ZNF480: variants seen among roughly 807,000 people sequenced by gnomAD.
ZNF480 encodes the protein zinc finger protein 480.
A neutral mutation model predicts 14.4 loss-of-function variants in ZNF480; 15 were observed. The observed-to-expected ratio is 1.04, with a 90% CI of 0.70 to 1.60. The LOEUF is 1.60. Ranked by LOEUF, ZNF480 falls within the 40% of genes most tolerant of loss-of-function variation. ZNF480 has a pLI of 0.00. For synonymous variants in ZNF480, 218 were observed against 215.5 expected (o/e 1.01, Z -0.10); for missense variants, 593 against 629.7 (o/e 0.94, Z 0.62).
chr19:52,299,425 A>G (rs1476830742), intron 1 of ZNF480, among the ~76,000 whole-genome samples: 2 of 152,214 alleles, frequency 1.3e-5, no homozygotes, highest in African/African-American at 4.8e-5. Context: ...CAGTTCCACA[A>G]GGCTGCCGCT....
chr19:52,313,810 C>A (rs1482507483), intron 2 of ZNF480: 1 of 443,766 alleles, frequency 2.3e-6, no homozygotes, highest in South Asian at 1.6e-5. Flanking sequence ...GAAATTCCAT[C>A]TCTACTGAAA....
Position 52,315,828 on chromosome 19 carries a change from A to C in ZNF480, c.200-6A>C, listed in dbSNP as rs167706. ...AGCACATTTTGATTTTTTTTTTTACAAACAGGAATCTCTCTTCCTGACCTG... is the reference window on the plus strand; with the variant it reads ...AGCACATTTTGATTTTTTTTTTTACCAACAGGAATCTCTCTTCCTGACCTG... On this transcript the variant is annotated splice_region_variant and splice_polypyrimidine_tract_variant and intron_variant, in intron 3 of 4. Coordinates refer to ENST00000595962, the MANE Select transcript of ZNF480 (RefSeq NM_144684.4). The C allele has an allele frequency of 5.8e-4, 931 of 1,600,496 alleles. 6 individuals carry two copies. In the African/African-American group the frequency reaches 0.011, roughly 18 times the overall value.
chr19:52,306,085 C>T (rs1389739662), intron 2 of ZNF480, among the ~76,000 whole-genome samples: 1 of 152,134 alleles, frequency 6.6e-6, no homozygotes, highest in Non-Finnish European at 1.5e-5. Flanking sequence ...GCAGAGTAGT[C>T]TTATGCAGAT....
At position 52,324,410 on chromosome 19, in the gene ZNF480, A is replaced by AT. The variant is rs1264863586; in HGVS notation, c.*1557dup. On this transcript the variant is annotated 3_prime_UTR_variant, in exon 5 of 5. Coordinates refer to ENST00000595962, the MANE Select transcript of ZNF480 (RefSeq NM_144684.4). ...CTATTTCTATCAAACTACCAATGGC[A>AT]TTTTTCACAGAATCAGAAGAAAACA... is the stretch of plus-strand genomic sequence containing the variant. The AT allele has an allele frequency of 3.3e-5, 5 of 152,210 alleles. No homozygotes were observed. The allele number at this position is 152,210 out of a possible 1,614,324, so 9.4% of individuals were successfully genotyped here. A position where few individuals can be genotyped will look rare whatever the true frequency, so the allele number is the denominator to read the frequency against.
chr19:52,312,803 T>C (rs540140276), intron 2 of ZNF480, among the ~76,000 whole-genome samples: 1 of 148,374 alleles, frequency 6.7e-6, no homozygotes, highest in African/African-American at 2.5e-5. Context: ...TCATTGCTAT[T>C]GTTATCATCC....
In ZNF480 at chr19:52,322,086, G is replaced by A; in HGVS notation, c.836G>A (p.Arg279Lys). The A allele has an allele frequency of 1.2e-6, 2 of 1,614,002 alleles. No individual in the cohort carries two copies. Among genetic ancestry groups the A allele is most frequent in the Non-Finnish European group, 1.7e-6 (2 of 1,179,980 alleles). Residue 279 changes from arginine to lysine, a missense_variant, in exon 5 of 5, where the codon AGA (arginine) becomes AAA (lysine). Coordinates refer to ENST00000595962, the MANE Select transcript of ZNF480 (RefSeq NM_144684.4). ...AATTCAAACTTTGCACGACATCAAA[G>A]AATTCATACCAGAGAGAAGCCGTAT... ...SYNSNFARHQ[R>K]IHTREKPYEC... is the part of the protein sequence containing the mutation.
At chr19:52,316,969 C>T (rs529716013) in intron 4 of ZNF480, among the ~76,000 whole-genome samples, 34 of 152,276 alleles carry the variant, frequency 2.2e-4, no homozygotes, top group African/African-American at 6.3e-4. Context: ...ACCTGCATTG[C>T]GCCCACCTTT....
chr19:52,315,737 T>G, intron 3 of ZNF480, 97 bp from the exon 4 acceptor site: 1 of 1,401,350 alleles, frequency 7.1e-7, no homozygotes, highest in Middle Eastern at 1.9e-4. Flanking sequence ...TGAAATATTA[T>G]TCTTGATTCA....
Position 52,321,884 on chromosome 19 carries a change from T to C in ZNF480, c.634T>C (p.Phe212Leu). Reference sequence around the variant, plus strand: ...TGAATGTAATGAGCATAGCAAAGTCTTTAGAGTATCTTCCAGCCTTACTAA... The same window carrying C: ...TGAATGTAATGAGCATAGCAAAGTCCTTAGAGTATCTTCCAGCCTTACTAA... The part of the protein sequence containing the change: ...PYECNEHSKV[F>L]RVSSSLTKHQ... The change falls in exon 5 of 5, where the codon TTT becomes CTT. Residue 212 changes from phenylalanine to leucine, a missense_variant. Coordinates refer to ENST00000595962, the MANE Select transcript of ZNF480 (RefSeq NM_144684.4). 6.2e-7 allele frequency: 1 copy of C among 1,614,156 alleles called. No homozygotes were observed.
At chr19:52,304,690 C>T (rs879561589) in intron 2 of ZNF480, among the ~76,000 whole-genome samples, 4 of 151,880 alleles carry the variant, frequency 2.6e-5, no homozygotes, top group South Asian at 4.2e-4. Flanking sequence ...AGGCACATAC[C>T]CCATCTCTTG....
chr19:52,316,186 C>T (rs946157652), intron 4 of ZNF480, among the ~76,000 whole-genome samples: 1 of 126,182 alleles, frequency 7.9e-6, no homozygotes, highest in Non-Finnish European at 1.7e-5. Flanking sequence ...CTTTCTCTCT[C>T]TCTCTTTCTC....
Position 52,314,224 on chromosome 19 carries a change from G to A in ZNF480, c.144G>A (p.Gln48=), listed in dbSNP as rs370420175. The change falls in exon 3 of 5, where the codon CAG becomes CAA. Residue 48 remains glutamine (Q), a synonymous_variant. Coordinates refer to ENST00000595962, the MANE Select transcript of ZNF480 (RefSeq NM_144684.4). ...AGTGGAAATGCCTGGACCCTGCACAGAGGGCTTTATACAAGGATGTGATGT... is the reference window on the plus strand; with the variant it reads ...AGTGGAAATGCCTGGACCCTGCACAAAGGGCTTTATACAAGGATGTGATGT... The part of the protein sequence containing the change: ...QAEWKCLDPA[Q]RALYKDVMLE... 1.3e-6 allele frequency: 2 copies of A among 1,584,326 alleles called. No individual in the cohort carries two copies. The highest frequency in any genetic ancestry group is 1.3e-5 in the African/African-American group (1 of 74,108).
In ZNF480 at chr19:52,300,416, CTG is replaced by C. The variant is rs3217319; in HGVS notation, c.9_10del (p.Cys3Ter). The C allele has an allele frequency of 0.71, 1,150,082 of 1,612,698 alleles. 415,545 individuals carry two copies. Among genetic ancestry groups the C allele is most frequent in the Non-Finnish European group, 0.74 (870,134 of 1,179,384 alleles). ...TAGGATTGACTTCTAAAGAGTCATG[CTG>C]TGTGATGAAAAAGCCCAGAAGAGAA... is the stretch of plus-strand genomic sequence containing the variant. Reference protein sequence around the residue: MLCDEKAQKRRK... With the variant: MXCDEKAQKRRK... On this transcript the variant is annotated frameshift_variant, in exon 2 of 5. Coordinates refer to ENST00000595962, the MANE Select transcript of ZNF480 (RefSeq NM_144684.4). LOFTEE classifies it high-confidence loss of function.
rs201703428 is a variant in ZNF480 at position 52,322,798 on chromosome 19, T to A, written c.1548T>A (p.Cys516Ter). 2.6e-5 allele frequency: 42 copies of A among 1,611,288 alleles called. No individual in the cohort carries two copies. Among genetic ancestry groups the A allele is most frequent in the Admixed American group, 1.3e-4 (8 of 59,896 alleles). The change falls in exon 5 of 5, where the codon TGT becomes TGA. Residue 516 changes from cysteine (C) to a stop codon, truncating the protein, a stop_gained. Coordinates refer to ENST00000595962, the MANE Select transcript of ZNF480 (RefSeq NM_144684.4). LOFTEE classifies it low-confidence loss of function (END_TRUNC). ...TGEKPYKCNE[C>*]GKAFSRISYL... ...AGAAACCTTACAAATGTAATGAGTG[T>A]GGCAAGGCCTTTAGTCGCATTTCAT... is the stretch of plus-strand genomic sequence containing the variant.
chr19:52,322,578 C>T lies in ZNF480; in HGVS notation c.1328C>T (p.Ser443Leu). Reference protein sequence around the residue: ...GKAFSEYSGLSAHLVIHTGEK... With the variant: ...GKAFSEYSGLLAHLVIHTGEK... ...GCATTTAGTGAGTATTCAGGCCTTT[C>T]AGCCCATCTTGTAATCCACACTGGA... Residue 443 changes from serine (S) to leucine (L), a missense_variant, in exon 5 of 5, where the codon TCA (serine) becomes TTA (leucine). Transcript: ENST00000595962. The T allele has an allele frequency of 6.2e-7, 1 of 1,614,068 alleles. No homozygotes were observed. Among genetic ancestry groups the T allele is most frequent in the Admixed American group, 1.7e-5 (1 of 59,992 alleles).
chr19:52,319,452 C>T (rs1032373606), intron 4 of ZNF480, among the ~76,000 whole-genome samples: 24 of 152,160 alleles, frequency 1.6e-4, no homozygotes, highest in Non-Finnish European at 2.9e-5. Flanking sequence ...AGTACATAGT[C>T]TTATACCTTT....
chr19:52,316,434 T>G (rs1983562046), intron 4 of ZNF480, among the ~76,000 whole-genome samples: 1 of 152,090 alleles, frequency 6.6e-6, no homozygotes, highest in Admixed American at 6.6e-5. Flanking sequence ...TTCACTATGT[T>G]GGCCAGGCTG....
intron 2 of ZNF480, among the ~76,000 whole-genome samples, chr19:52,310,005 T>G (rs1983192240): frequency 6.6e-6 from 1 of 152,114 alleles, no homozygotes; most frequent in Non-Finnish European, 1.5e-5. Flanking sequence ...GGAAATTTTT[T>G]TCAATATATT....
At chr19:52,318,974 CT>C (rs2122557328) in intron 4 of ZNF480, among the ~76,000 whole-genome samples, 1 of 152,138 alleles carries the variant, frequency 6.6e-6, no homozygotes, top group Admixed American at 6.5e-5. Context: ...AGTGATTCTC[CT>C]GCCTCAGCCT....
Sources: gnomAD v4.1 joint callset for allele counts (sites outside exome capture counted in the v4.1 genomes callset) on GRCh38, gnomAD v4.1.1 for gene constraint, MANE v1.5 for transcripts, NCBI Gene and HGNC (gene_info 2026-07-23, HGNC 2026-07-21) for gene names.